The following CAMK4 variants were observed in gnomAD, a reference collection of about 807,000 sequenced individuals.
CAMK4 encodes calcium/calmodulin-dependent protein kinase type IV.
Under a neutral mutation model 44.9 loss-of-function variants are expected in CAMK4, and 22 were observed. The observed-to-expected ratio is 0.49, with a 90% CI of 0.35 to 0.70. CAMK4 has a LOEUF of 0.70. Among genes scored for constraint, CAMK4 ranks in the 30% least tolerant of loss-of-function variants. The pLI is 0.01. For synonymous variants in CAMK4, 218 were observed against 215.4 expected, an observed-to-expected ratio of 1.01 and a Z score of -0.11; for missense variants, 498 against 586.8, an observed-to-expected ratio of 0.85 and a Z score of 1.56.
intron 1 of CAMK4, among the ~76,000 whole-genome samples, chr5:111,226,378 T>C (rs1461622385): frequency 6.6e-6 from 1 of 152,234 alleles, no homozygotes; most frequent in African/African-American, 2.4e-5. Flanking sequence ...CAGAATTACG[T>C]GTTGCAGTAA....
chr5:111,310,053 C>T (rs889262364), intron 1 of CAMK4, among the ~76,000 whole-genome samples: 7 of 152,190 alleles, frequency 4.6e-5, no homozygotes, highest in Non-Finnish European at 7.4e-5. Context: ...TTACTGACAC[C>T]GTTTCATGAG....
intron 1 of CAMK4, among the ~76,000 whole-genome samples, chr5:111,262,760 T>C (rs1750043292): frequency 6.6e-6 from 1 of 152,234 alleles, no homozygotes; most frequent in African/African-American, 2.4e-5. Context: ...TGTAATAATA[T>C]GCTAAAATTG....
In CAMK4 at chr5:111,484,647, A is replaced by G. The variant is rs897767246; in HGVS notation, c.*181A>G. 7.1e-6 allele frequency: 3 copies of G among 421,368 alleles called. No homozygotes were observed. The highest frequency in any genetic ancestry group is 8.2e-5 in the Admixed American group (2 of 24,260). The allele number at this position is 421,368 out of a possible 1,614,324, so 26.1% of individuals were successfully genotyped here. ...CATGTGACTGCTTTATGAAAATAAT[A>G]GTGTCTTCTATGGCATGTAATGGAT... On this transcript the variant is annotated 3_prime_UTR_variant, in exon 11 of 11. Coordinates refer to ENST00000282356, the MANE Select transcript of CAMK4 (RefSeq NM_001744.6). The surrounding 1 kb of genome is among the most constrained non-coding windows in gnomAD (Gnocchi z 5.3).
At position 111,247,160 on chromosome 5, in the gene CAMK4, T is replaced by A. The variant is rs183056763; in HGVS notation, c.161+22516T>A. ...ACACCTGTTAAATATCAGCTACTACTGATATGTATAGTATATGTATGTATG... is the reference window on the plus strand; with the variant it reads ...ACACCTGTTAAATATCAGCTACTACAGATATGTATAGTATATGTATGTATG... On this transcript the variant is annotated intron_variant, in intron 1 of 10. Coordinates refer to ENST00000282356, the MANE Select transcript of CAMK4 (RefSeq NM_001744.6). 2.3e-3 allele frequency among the ~76,000 whole-genome samples: 356 copies of A among 151,922 alleles called. 3 individuals are homozygous for A. The highest frequency in any genetic ancestry group is 8.1e-3 in the African/African-American group (336 of 41,506).
Position 111,484,194 on chromosome 5 carries a change from C to G in CAMK4, c.1150C>G (p.Gln384Glu), listed in dbSNP as rs751454476. 6.2e-7 allele frequency: 1 copy of G among 1,613,760 alleles called. No homozygotes were observed. Reference sequence around the variant, plus strand: ...AGAGAAAATTCAAGGCGATGGGGCCCAAGCCGCAGTTAAGGGGGCACAGGC... The same window carrying G: ...AGAGAAAATTCAAGGCGATGGGGCCGAAGCCGCAGTTAAGGGGGCACAGGC... ...EGEKIQGDGAQAAVKGAQAEL... is the reference protein window; with the variant it reads ...EGEKIQGDGAEAAVKGAQAEL... Residue 384 changes from glutamine (Q) to glutamate (E), a missense_variant, in exon 11 of 11, where the codon CAA becomes GAA. This residue lies in a region of CAMK4 where 143 missense variants were observed against 144.9 expected (regional missense o/e 0.99). Coordinates refer to ENST00000282356, the MANE Select transcript of CAMK4 (RefSeq NM_001744.6). The surrounding 1 kb of genome is among the most constrained non-coding windows in gnomAD (Gnocchi z 5.3).
chr5:111,413,110 C>G (rs1172152371), intron 5 of CAMK4, among the ~76,000 whole-genome samples: 1 of 152,128 alleles, frequency 6.6e-6, no homozygotes, highest in Non-Finnish European at 1.5e-5. Flanking sequence ...CAAGCTAAGC[C>G]TCAGTTTGGG....
At chr5:111,391,098 G>T (rs1751779185) in intron 4 of CAMK4, among the ~76,000 whole-genome samples, 1 of 152,156 alleles carries the variant, frequency 6.6e-6, no homozygotes, top group African/African-American at 2.4e-5. Flanking sequence ...TCATTGTCAA[G>T]GCCTTGTGAA....
At chr5:111,227,964 A>AG (rs1561347195) in intron 1 of CAMK4, among the ~76,000 whole-genome samples, 1 of 152,166 alleles carries the variant, frequency 6.6e-6, no homozygotes, top group African/African-American at 2.4e-5. Flanking sequence ...CTGGCATTTT[A>AG]AAGGCTTTTC....
chr5:111,396,500 C>G (rs970082015), intron 5 of CAMK4, among the ~76,000 whole-genome samples: 1 of 151,998 alleles, frequency 6.6e-6, no homozygotes, highest in Admixed American at 6.6e-5. Context: ...CTTACATAGA[C>G]CTTTCCAACT....
intron 1 of CAMK4, among the ~76,000 whole-genome samples, chr5:111,329,863 A>G (rs930225742): frequency 3.3e-5 from 5 of 151,920 alleles, no homozygotes; most frequent in South Asian, 2.1e-4. Context: ...AACCACATCT[A>G]TGAAAAAACT....
intron 4 of CAMK4, among the ~76,000 whole-genome samples, chr5:111,387,706 T>A (rs1751655730): frequency 1.3e-5 from 2 of 152,200 alleles, no homozygotes; most frequent in Non-Finnish European, 2.9e-5. Context: ...GCAATTGGTA[T>A]TGATTCCATA....
At chr5:111,253,149 A>G (rs575144417) in intron 1 of CAMK4, among the ~76,000 whole-genome samples, 81 of 152,336 alleles carry the variant, frequency 5.3e-4, no homozygotes, top group African/African-American at 1.9e-3. Context: ...CTCATTGGTA[A>G]TGGCTTAGTT....
intron 1 of CAMK4, among the ~76,000 whole-genome samples, chr5:111,267,758 G>A (rs1750323939): frequency 6.7e-6 from 1 of 150,012 alleles, no homozygotes; most frequent in East Asian, 1.9e-4. Context: ...CACAGGGGAT[G>A]ATAGAATTAG....
intron 5 of CAMK4, among the ~76,000 whole-genome samples, chr5:111,404,271 G>A (rs1280923955): frequency 2.0e-5 from 3 of 152,076 alleles, no homozygotes; most frequent in Non-Finnish European, 2.9e-5. Context: ...ATTATAATTG[G>A]GCCCTAAATG....
chr5:111,390,920 A>G (rs1170140755), intron 4 of CAMK4, among the ~76,000 whole-genome samples: 1 of 152,164 alleles, frequency 6.6e-6, no homozygotes, highest in African/African-American at 2.4e-5. Flanking sequence ...AAGAAGACAA[A>G]TGAGAGACCC....
intron 3 of CAMK4, among the ~76,000 whole-genome samples, chr5:111,375,303 T>C (rs1249887334): frequency 6.6e-6 from 1 of 152,174 alleles, no homozygotes; most frequent in Non-Finnish European, 1.5e-5. Context: ...TTCAGTCTGC[T>C]TTGAGAGAGG....
chr5:111,384,159 G>T (rs983791895), intron 4 of CAMK4, among the ~76,000 whole-genome samples: 2 of 152,180 alleles, frequency 1.3e-5, no homozygotes, highest in Admixed American at 6.6e-5. Context: ...AAGTGAGATT[G>T]TGTGAACAGA....
chr5:111,234,112 T>C (rs1259416466), intron 1 of CAMK4, among the ~76,000 whole-genome samples: 1 of 152,226 alleles, frequency 6.6e-6, no homozygotes. Flanking sequence ...AAACATTTTA[T>C]TGGATGGTGA....
chr5:111,409,119 G>T (rs1172525465), intron 5 of CAMK4, among the ~76,000 whole-genome samples: 1 of 152,204 alleles, frequency 6.6e-6, no homozygotes, highest in African/African-American at 2.4e-5. Context: ...CCACTAGGCA[G>T]TGCCCTGGTG....
Sources: gnomAD v4.1 joint callset for allele counts (sites outside exome capture counted in the v4.1 genomes callset) on GRCh38, gnomAD v4.1.1 for gene constraint, gnomAD v4.1.1 regional missense constraint, Gnocchi (gnomAD v3.1) non-coding constraint, MANE v1.5 for transcripts, NCBI Gene and HGNC (gene_info 2026-07-23, HGNC 2026-07-21) for gene names.